Variants in ZNF665 observed in about 807,000 individuals in gnomAD.
ZNF665 encodes zinc finger protein 665.
ZNF665 carries 6 observed loss-of-function variants against 7.9 expected under a neutral mutation model. The observed-to-expected ratio is 0.76, with a 90% CI of 0.42 to 1.50. The LOEUF (loss-of-function observed/expected upper bound fraction) is 1.50. Among genes scored for constraint, ZNF665 ranks in the 40% most tolerant of loss-of-function variants. The probability of loss-of-function intolerance (pLI) is 0.01; values close to 1 mark genes in which losing one functional copy is unlikely to be tolerated. For synonymous variants in ZNF665, 242 were observed against 274.5 expected, an observed-to-expected ratio of 0.88 and a Z score of 1.17; for missense variants, 819 against 806.7, an observed-to-expected ratio of 1.02 and a Z score of -0.18.
At position 53,165,598 on chromosome 19, in the gene ZNF665, A is replaced by T. The variant is rs763472598; in HGVS notation, c.892T>A (p.Cys298Ser). Residue 298 changes from cysteine to serine, a missense_variant, in exon 4 of 4, where the codon TGC (cysteine) becomes AGC (serine). Coordinates refer to ENST00000396424, the MANE Select transcript of ZNF665 (RefSeq NM_024733.5). ...KPYKCKECGK[C>S]FTQNSHLASH... ...GCAAGGTGTGAATTTTGAGTGAAGCACTTGCCACATTCCTTACATTTGTAA... is the reference window on the plus strand; with the variant it reads ...GCAAGGTGTGAATTTTGAGTGAAGCTCTTGCCACATTCCTTACATTTGTAA... 3 of 1,613,092 alleles carry T rather than the reference A, an allele frequency of 1.9e-6. No homozygotes were observed. The South Asian group carries it at 3.3e-5, about 18-fold the overall frequency.
In ZNF665 at chr19:53,164,697, T is replaced by G. The variant is rs777886849; in HGVS notation, c.1793A>C (p.Tyr598Ser). ...HQVIHTGEKP[Y>S]KCNECGKVFT... ...GACCTTGCCACATTCATTACATTTG[T>G]AAGGTTTTTCTCCAGTATGGATGAC... Residue 598 changes from tyrosine to serine, a missense_variant, in exon 4 of 4, where the codon TAC becomes TCC. Coordinates refer to ENST00000396424, the MANE Select transcript of ZNF665 (RefSeq NM_024733.5). 6.2e-7 allele frequency: 1 copy of G among 1,613,880 alleles called. No homozygotes were observed. The highest frequency in any genetic ancestry group is 2.2e-5 in the East Asian group (1 of 44,870).
intron 1 of ZNF665, among the ~76,000 whole-genome samples, chr19:53,185,411 A>G (rs911939111): frequency 6.6e-6 from 1 of 152,080 alleles, no homozygotes; most frequent in African/African-American, 2.4e-5. Flanking sequence ...CTATCTCTGT[A>G]TGGCCTGGCT....
intron 2 of ZNF665, among the ~76,000 whole-genome samples, chr19:53,176,973 G>T (rs1040229409): frequency 2.5e-4 from 38 of 152,050 alleles, no homozygotes; most frequent in African/African-American, 8.9e-4. Flanking sequence ...TACAAAAATA[G>T]CCAGGTGTGG....
rs1217515729 is a variant in ZNF665 at position 53,175,519 on chromosome 19, G to T, written c.68C>A (p.Thr23Lys). ...AGTCTTCTGAGCAGGGTCCAGGCAT[G>T]TCCACTCCTCCTGAGAGAATTCTAT... ...VAIEFSQEEW[T>K]CLDPAQKTLY... The change falls in exon 3 of 4, where the codon ACA (threonine) becomes AAA (lysine). Residue 23 changes from threonine to lysine, a missense_variant. Thr to Lys is a moderately conservative substitution (Grantham distance 78). Coordinates refer to ENST00000396424, the MANE Select transcript of ZNF665 (RefSeq NM_024733.5). 1.2e-6 allele frequency: 2 copies of T among 1,611,848 alleles called. No individual in the cohort carries two copies. The highest frequency in any genetic ancestry group is 1.7e-6 in the Non-Finnish European group (2 of 1,179,328).
At position 53,189,065 on chromosome 19, in the gene ZNF665, G is replaced by C. The variant is rs983539019; in HGVS notation, c.-46+4247C>G. Among the ~76,000 whole-genome samples the C allele has an allele frequency of 1.3e-3, 200 of 151,050 alleles. 1 individual carries two copies. Among genetic ancestry groups the C allele is most frequent in the African/African-American group, 4.4e-3 (183 of 41,210 alleles). ...GGCTTTATTTTCTGTGTGTGTGTGT[G>C]TGTGTGTGTGTGTGTGTGTGTGAAT... On this transcript the variant is annotated intron_variant, in intron 1 of 3. Coordinates refer to ENST00000396424, the MANE Select transcript of ZNF665 (RefSeq NM_024733.5).
intron 3 of ZNF665, 149 bp downstream of exon 3, chr19:53,175,296 C>T: frequency 9.8e-7 from 1 of 1,019,696 alleles, no homozygotes; most frequent in African/African-American, 1.7e-5. Flanking sequence ...AGATTAAAGT[C>T]CAGATCCTGC....
rs375603672 is a variant in ZNF665 at position 53,165,228 on chromosome 19, C to T, written c.1262G>A (p.Arg421Gln). 126 of 1,613,642 alleles carry T rather than the reference C, an allele frequency of 7.8e-5. No individual in the cohort carries two copies. The highest frequency in any genetic ancestry group is 6.7e-4 in the East Asian group (30 of 44,802). The change falls in exon 4 of 4, where the codon CGA becomes CAA. Residue 421 changes from arginine (R) to glutamine (Q), a missense_variant. Transcript: ENST00000396424. ...FTQYSHLANH[R>Q]RIHTGEKPYR... ...AGGTTTCTCTCCAGTATGAATTCTT[C>T]GATGATTTGCTAAGTGTGAATACTG... is the stretch of plus-strand genomic sequence containing the variant.
In ZNF665 at chr19:53,165,123, T is replaced by G. The variant is rs202140700; in HGVS notation, c.1367A>C (p.Lys456Thr). Residue 456 changes from lysine to threonine, a missense_variant, in exon 4 of 4, where the codon AAG (lysine) becomes ACG (threonine). Lys to Thr is a moderately conservative substitution (Grantham distance 78, BLOSUM62 -1). Transcript: ENST00000396424. ...TTHQAIHTGE[K>T]PYKCNDCGKV... Reference sequence around the variant, plus strand: ...ACCGCAGTCATTACATTTGTAAGGCTTTTCTCCAGTATGAATTGCCTGATG... The same window carrying G: ...ACCGCAGTCATTACATTTGTAAGGCGTTTCTCCAGTATGAATTGCCTGATG... The G allele has an allele frequency of 2.7e-5, 44 of 1,614,046 alleles. No homozygotes were observed. The African/African-American group carries it at 4.7e-4, about 17-fold the overall frequency.
At chr19:53,173,553 T>G (rs971800476) in intron 3 of ZNF665, among the ~76,000 whole-genome samples, 2 of 151,946 alleles carry the variant, frequency 1.3e-5, no homozygotes, top group African/African-American at 2.4e-5. Context: ...TTTTGTATTT[T>G]TAGTAGAGAC....
rs2090590710 is a variant in ZNF665, at chr19:53,164,626, C to T, written c.1864G>A (p.Gly622Arg). 7.4e-6 allele frequency: 12 copies of T among 1,612,778 alleles called. No individual in the cohort carries two copies. The East Asian group carries it at 2.7e-4, about 36-fold the overall frequency. The change falls in exon 4 of 4, where the codon GGA (glycine) becomes AGA (arginine). Residue 622 changes from glycine to arginine, a missense_variant. Coordinates refer to ENST00000396424, the MANE Select transcript of ZNF665 (RefSeq NM_024733.5). ...HLANHRRIHT[G>R]EKPYRCNECG... ...TCATTACACCTATAAGGTTTTTCTC[C>T]AGTGTGAATTCTTCTATGATTTGCA...
intron 1 of ZNF665, among the ~76,000 whole-genome samples, chr19:53,190,636 T>C (rs141186879): frequency 4.1e-4 from 63 of 152,306 alleles, no homozygotes; most frequent in African/African-American, 1.4e-3. Context: ...GTAGTATCCT[T>C]TATAACAATT....
intron 1 of ZNF665, among the ~76,000 whole-genome samples, chr19:53,192,774 G>A (rs4239496): frequency 6.6e-6 from 1 of 151,794 alleles, no homozygotes; most frequent in African/African-American, 2.4e-5. Flanking sequence ...ACAGGACAAG[G>A]CCCGGGCACC....
rs1450319295 is a variant in ZNF665 at position 53,164,725 on chromosome 19, G to A, written c.1765C>T (p.Gln589Ter). The A allele has an allele frequency of 1.2e-6, 2 of 1,614,044 alleles. No individual in the cohort carries two copies. Among genetic ancestry groups the A allele is most frequent in the Non-Finnish European group, 1.7e-6 (2 of 1,180,040 alleles). The change falls in exon 4 of 4, where the codon CAG becomes TAG. Residue 589 changes from glutamine (Q) to a stop codon, truncating the protein, a stop_gained. Coordinates refer to ENST00000396424, the MANE Select transcript of ZNF665 (RefSeq NM_024733.5). LOFTEE classifies it low-confidence loss of function (END_TRUNC). ...FSVHSNLATH[Q>*]VIHTGEKPYK... ...GGTTTTTCTCCAGTATGGATGACCT[G>A]ATGGGTAGCTAGGTTTGAATGTACA...
intron 3 of ZNF665, among the ~76,000 whole-genome samples, chr19:53,171,526 T>TATATA (rs1404974938): frequency 6.6e-4 from 24 of 36,426 alleles, no homozygotes; most frequent in East Asian, 8.7e-4. Context: ...ATATATATAT[T>TATATA]TTTTTTTTTT....
At position 53,164,642 on chromosome 19, in the gene ZNF665, A is replaced by G; in HGVS notation, c.1848T>C (p.His616=). The stretch of plus-strand genomic sequence containing the variant: ...GTTTTTCTCCAGTGTGAATTCTTCT[A>G]TGATTTGCAAGATGTGAATTTTGAG... ...VFTQNSHLAN[H]RRIHTGEKPY... The change falls in exon 4 of 4, where the codon CAT becomes CAC. Residue 616 remains histidine, a synonymous_variant. Coordinates refer to ENST00000396424, the MANE Select transcript of ZNF665 (RefSeq NM_024733.5). 6.2e-7 allele frequency: 1 copy of G among 1,612,824 alleles called. No individual in the cohort carries two copies. Among genetic ancestry groups the G allele is most frequent in the Non-Finnish European group, 8.5e-7 (1 of 1,178,926 alleles).
In ZNF665 at chr19:53,190,600, G is replaced by C. The variant is rs1190493603; in HGVS notation, c.-46+2712C>G. On this transcript the variant is annotated intron_variant, in intron 1 of 3. Transcript: ENST00000396424. ...CCCCTTCCTTGGATTCAATTAACTT[G>C]CTAAAACCATTCATCTGTATGCTTC... is the stretch of plus-strand genomic sequence containing the variant. Among the ~76,000 whole-genome samples the C allele has an allele frequency of 2.0e-5, 3 of 152,268 alleles. 1 individual carries two copies. Among genetic ancestry groups the C allele is most frequent in the South Asian group, 4.1e-4 (2 of 4,832 alleles).
At chr19:53,166,509 C>T (rs1380742140) in intron 3 of ZNF665, among the ~76,000 whole-genome samples, 162 bp from the exon 4 acceptor site, 1 of 152,114 alleles carries the variant, frequency 6.6e-6, no homozygotes, top group Non-Finnish European at 1.5e-5. Flanking sequence ...AACAGGATTC[C>T]TTATCAAAGA....
In ZNF665 at chr19:53,166,162, T is replaced by C; in HGVS notation, c.328A>G (p.Lys110Glu). The change falls in exon 4 of 4, where the codon AAA (lysine) becomes GAA (glutamate). Residue 110 changes from lysine (K) to glutamate (E), a missense_variant. Physicochemically the swap from Lys to Glu is moderately conservative, Grantham distance 56 (BLOSUM62 1). Coordinates refer to ENST00000396424, the MANE Select transcript of ZNF665 (RefSeq NM_024733.5). ...CQWKDDEGNYKTVLMLQKENL... is the reference protein window; with the variant it reads ...CQWKDDEGNYETVLMLQKENL... Reference sequence around the variant, plus strand: ...TCTTTTTGCAACATAAGTACTGTTTTATAATTTCCTTCATCATCTTTCCAC... The same window carrying C: ...TCTTTTTGCAACATAAGTACTGTTTCATAATTTCCTTCATCATCTTTCCAC... 2.5e-6 allele frequency: 4 copies of C among 1,613,960 alleles called. No individual in the cohort carries two copies. The highest frequency in any genetic ancestry group is 2.2e-5 in the East Asian group (1 of 44,882).
At chr19:53,183,268 C>T (rs997295422) in intron 1 of ZNF665, among the ~76,000 whole-genome samples, 2 of 152,144 alleles carry the variant, frequency 1.3e-5, no homozygotes, top group Non-Finnish European at 2.9e-5. Context: ...CCTGACCAAA[C>T]CCCATGCTGA....
Sources: gnomAD v4.1 joint callset for allele counts (sites outside exome capture counted in the v4.1 genomes callset) on GRCh38, gnomAD v4.1.1 for gene constraint, MANE v1.5 for transcripts, NCBI Gene and HGNC (gene_info 2026-07-23, HGNC 2026-07-21) for gene names.